Variants in ZNF536 observed in about 807,000 individuals in gnomAD.
ZNF536 encodes zinc finger protein 536.
ZNF536 carries 13 observed loss-of-function variants against 84.5 expected under a neutral mutation model. The ratio of observed to expected loss-of-function variants is 0.15; its 90% confidence interval spans 0.10 to 0.24. The LOEUF (loss-of-function observed/expected upper bound fraction) is 0.24, where lower values mean the gene tolerates loss of function less well. ZNF536 is among the 10% of genes least tolerant of loss of function. The pLI is 1.00. For missense variants in ZNF536, 1,536 were observed against 1,747.5 expected (o/e 0.88, Z 2.16); for synonymous variants, 811 against 742.5 (o/e 1.09, Z -1.50).
chr19:30,295,486 G>T (rs531695431), intron 2 of ZNF536, among the ~76,000 whole-genome samples: 1 of 152,204 alleles, frequency 6.6e-6, no homozygotes. Context: ...GATTCAGAAG[G>T]TCTTGGGTAT....
chr19:30,477,337 G>A (rs2053891691), intron 2 of ZNF536, among the ~76,000 whole-genome samples: 1 of 152,228 alleles, frequency 6.6e-6, no homozygotes, highest in African/African-American at 2.4e-5. Flanking sequence ...AGGGCCTAGA[G>A]TAGCTCATGA....
At chr19:30,432,472 G>A (rs2051517981) in intron 1 of ZNF536, among the ~76,000 whole-genome samples, 1 of 152,176 alleles carries the variant, frequency 6.6e-6, no homozygotes, top group Non-Finnish European at 1.5e-5. Flanking sequence ...AAGCCAGGAT[G>A]TAGCATGGAG....
intron 3 of ZNF536, among the ~76,000 whole-genome samples, chr19:30,360,132 G>C (rs745873250): frequency 6.6e-6 from 1 of 152,228 alleles, no homozygotes; most frequent in Non-Finnish European, 1.5e-5. Context: ...CAGGCCCCCA[G>C]ATAGCTGCTG....
At chr19:30,693,364 C>T (rs1217972950) in intron 1 of ZNF536, among the ~76,000 whole-genome samples, 1 of 152,132 alleles carries the variant, frequency 6.6e-6, no homozygotes, top group Non-Finnish European at 1.5e-5. Context: ...AAGCCCTGCC[C>T]ATTTGTTTTG....
intron 1 of ZNF536, among the ~76,000 whole-genome samples, chr19:30,244,835 G>GT (rs998412945): frequency 5.3e-5 from 8 of 152,138 alleles, no homozygotes; most frequent in Admixed American, 5.2e-4. Context: ...GTGGTTTTTT[G>GT]TTTTTTCCAA....
chr19:30,398,391 T>TTC (rs1462151896), intron 1 of ZNF536, among the ~76,000 whole-genome samples: 5 of 151,642 alleles, frequency 3.3e-5, no homozygotes, highest in Non-Finnish European at 5.9e-5. Flanking sequence ...TCTTTTTCTT[T>TTC]TTTTTTTTTA....
chr19:30,415,907 G>A (rs1354559440), intron 1 of ZNF536, among the ~76,000 whole-genome samples: 1 of 152,146 alleles, frequency 6.6e-6, no homozygotes, highest in Non-Finnish European at 1.5e-5. Flanking sequence ...ATCATGCCCG[G>A]CCCATCATCA....
intron 2 of ZNF536, among the ~76,000 whole-genome samples, chr19:30,347,442 A>G (rs2047782698): frequency 6.6e-6 from 1 of 152,192 alleles, no homozygotes; most frequent in South Asian, 2.1e-4. Flanking sequence ...AGAGCCTGCA[A>G]GACAGAACTG....
chr19:30,587,086 A>G (rs1394535794), intron 1 of ZNF536, among the ~76,000 whole-genome samples: 2 of 152,232 alleles, frequency 1.3e-5, no homozygotes, highest in African/African-American at 4.8e-5. Flanking sequence ...AAGATTTAAG[A>G]GGAGCTATGA....
At chr19:30,566,727 TTCCGGACAG>T (rs1209901873) in intron 1 of ZNF536, among the ~76,000 whole-genome samples, 1 of 122,782 alleles carries the variant, frequency 8.1e-6, no homozygotes, top group Non-Finnish European at 1.7e-5. Flanking sequence ...TGTGTGGCCT[TTCCGGACAG>T]TGGAGGTTCC....
intron 1 of ZNF536, among the ~76,000 whole-genome samples, chr19:30,641,948 G>A (rs1384350184): frequency 6.6e-6 from 1 of 152,186 alleles, no homozygotes; most frequent in African/African-American, 2.4e-5. Context: ...AATAGTACGA[G>A]CCAAAGGAAA....
At chr19:30,592,039 C>A (rs1204573098) in intron 1 of ZNF536, among the ~76,000 whole-genome samples, 2 of 152,210 alleles carry the variant, frequency 1.3e-5, no homozygotes, top group Non-Finnish European at 2.9e-5. Flanking sequence ...CAAAACAAAA[C>A]CTTCTCTAGT....
intron 2 of ZNF536, among the ~76,000 whole-genome samples, chr19:30,478,347 G>A (rs147796573): frequency 6.6e-6 from 1 of 152,228 alleles, no homozygotes; most frequent in East Asian, 1.9e-4. Context: ...ATGCTGTGGG[G>A]CTCCGCCAGC....
At chr19:30,382,764 AG>A (rs1417306555) in intron 1 of ZNF536, among the ~76,000 whole-genome samples, 1 of 152,072 alleles carries the variant, frequency 6.6e-6, no homozygotes, top group Non-Finnish European at 1.5e-5. Flanking sequence ...GGTTGTGATG[AG>A]GATGGAGGGA....
At chr19:30,304,453 C>T (rs2046286926) in intron 2 of ZNF536, among the ~76,000 whole-genome samples, 1 of 152,170 alleles carries the variant, frequency 6.6e-6, no homozygotes, top group South Asian at 2.1e-4. Context: ...AAGCTGAGGT[C>T]CAGAGACTTT....
At chr19:30,665,672 C>A (rs1005908781) in intron 1 of ZNF536, 1 of 152,230 alleles carries the variant, frequency 6.6e-6, no homozygotes, top group Non-Finnish European at 1.5e-5. Context: ...ATCTGGAGAT[C>A]CTTGCTTCTG....
chr19:30,398,454 T>C (rs981496926), intron 1 of ZNF536, among the ~76,000 whole-genome samples: 4 of 151,858 alleles, frequency 2.6e-5, no homozygotes, highest in African/African-American at 9.7e-5. Flanking sequence ...TTTTGTTACA[T>C]AGGTATACAC....
rs147011917 is a variant in ZNF536, at chr19:30,279,753, C to A, written c.-189-4319C>A. On this transcript the variant is annotated intron_variant, in intron 1 of 5. Transcript: ENST00000585628. ...GAGGCATTGCTTGGGAGCCACTGCA[C>A]TCAAGTGTCATCTGTGGGGAGACTT... Among the ~76,000 whole-genome samples the A allele has an allele frequency of 6.5e-3, 995 of 152,322 alleles. 12 individuals carry two copies. The highest frequency in any genetic ancestry group is 0.023 in the African/African-American group (955 of 41,556).
chr19:30,506,847 CAAAGATCCATGTAAGGAAGGAAA>C (rs1181651553), intron 2 of ZNF536, among the ~76,000 whole-genome samples: 2 of 152,088 alleles, frequency 1.3e-5, no homozygotes, highest in African/African-American at 4.8e-5. Flanking sequence ...GGGTATAAGC[CAAAGATCCATGTAAGGAAGGAAA>C]ATATCAGTCT....
Sources: allele counts gnomAD v4.1 joint callset (sites outside exome capture counted in the v4.1 genomes callset), GRCh38; gene constraint gnomAD v4.1.1; transcripts MANE v1.5; gene names NCBI Gene and HGNC (gene_info 2026-07-23, HGNC 2026-07-21).